The following CGB7 variants were observed in gnomAD, a reference collection of about 807,000 sequenced individuals.
The protein encoded by CGB7 is choriogonadotropin subunit beta 7.
In CGB7, 6 loss-of-function variants were observed where a neutral mutation model predicts 7.3. The ratio of observed to expected loss-of-function variants is 0.82; its 90% CI spans 0.45 to 1.62. The LOEUF (loss-of-function observed/expected upper bound fraction) is 1.62. CGB7 is among the 40% of genes most tolerant of loss of function. The pLI is 0.01. For synonymous variants in CGB7, 47 were observed against 100.8 expected (o/e 0.47, Z 3.20); for missense variants, 114 against 236.2 (o/e 0.48, Z 3.39).
Position 49,056,198 on chromosome 19 carries a change from A to T in CGB7, c.-823T>A, listed in dbSNP as rs965602006. The T allele has an allele frequency of 7.9e-7, 1 of 1,271,518 alleles. No individual in the cohort carries two copies. The highest frequency in any genetic ancestry group is 1.5e-5 in the African/African-American group (1 of 64,934). 78.8% of individuals were successfully genotyped at this position (1,271,518 alleles called of 1,614,324 possible). A position where few individuals can be genotyped will look rare whatever the true frequency, so the allele number is the denominator to read the frequency against. On this transcript the variant is annotated 5_prime_UTR_variant, in exon 3 of 5. Coordinates refer to ENST00000684222, the MANE Select transcript of CGB7 (RefSeq NM_001385261.1). The stretch of plus-strand genomic sequence containing the variant: ...CACCTAGGTCCGACACCGCGTAGTG[A>T]GCGGCTGCCCAGAGCTCTGCTCCGC...
chr19:49,056,140 C>G lies in CGB7; in HGVS notation c.-765G>C, dbSNP rs2040058682. ...GGGCGTGTCTGGGCTAGTCCTGTCC[C>G]CACACTGCGGATAGACTTAATGAGT... On this transcript the variant is annotated 5_prime_UTR_variant, in exon 3 of 5. Coordinates refer to ENST00000684222, the MANE Select transcript of CGB7 (RefSeq NM_001385261.1). 2 of 1,213,314 alleles carry G rather than the reference C, an allele frequency of 1.6e-6. No individual in the cohort carries two copies. Among genetic ancestry groups the G allele is most frequent in the Admixed American group, 3.1e-5 (1 of 32,510 alleles). 75.2% of individuals were successfully genotyped at this position (1,213,314 alleles called of 1,614,324 possible).
chr19:49,057,068 C>G, intron 2 of CGB7, 53 bp downstream of exon 2: 4 of 1,516,192 alleles, frequency 2.6e-6, no homozygotes, highest in Non-Finnish European at 3.5e-6. Flanking sequence ...CGGCGTGCAC[C>G]GGCCATGGCG....
rs747748234 is a variant in CGB7, at chr19:49,054,364, T to C, written c.425A>G (p.Lys142Arg). The change falls in exon 5 of 5, where the codon AAG becomes AGG. Residue 142 changes from lysine to arginine, a missense_variant. This residue lies in a region of CGB7 where 36 missense variants were observed against 126.1 expected (regional missense o/e 0.29). Coordinates refer to ENST00000684222, the MANE Select transcript of CGB7 (RefSeq NM_001385261.1). ...ACTTGGAAGGCTGGGGGGAGGGGCC[T>C]TTGAGGAAGAGGAGGCCTGGAAGCG... ...DPRFQASSSS[K>R]APPPSLPSPS... 1.9e-5 allele frequency: 30 copies of C among 1,609,772 alleles called. No homozygotes were observed. Among genetic ancestry groups the C allele is most frequent in the Non-Finnish European group, 2.5e-5 (29 of 1,179,080 alleles).
Position 49,057,556 on chromosome 19 carries a change from C to A in CGB7, c.-1443G>T. The A allele has an allele frequency of 8.3e-7, 1 of 1,201,934 alleles. No homozygotes were observed. The highest frequency in any genetic ancestry group is 1.0e-6 in the Non-Finnish European group (1 of 960,336). The allele number at this position is 1,201,934 out of a possible 1,614,324, so 74.5% of individuals were successfully genotyped here. ...CCTGGTTCTGCCCCCGGTCTCAAGC[C>A]TTCTTGGTGTGGCCACTGGAGCTGA... On this transcript the variant is annotated 5_prime_UTR_variant, in exon 1 of 5. The change creates a new upstream start codon in the 5' untranslated region. Transcript: ENST00000684222.
rs1412725035 is a variant in CGB7, at chr19:49,055,842, G to C, written c.-467C>G. 9.2e-7 allele frequency: 1 copy of C among 1,086,398 alleles called. No individual in the cohort carries two copies. The highest frequency in any genetic ancestry group is 1.7e-5 in the African/African-American group (1 of 60,314). The allele number at this position is 1,086,398 out of a possible 1,614,324, so 67.3% of individuals were successfully genotyped here. On this transcript the variant is annotated 5_prime_UTR_variant, in exon 3 of 5. Transcript: ENST00000684222. The stretch of plus-strand genomic sequence containing the variant: ...CTTAGCTTCTGCCCAGTGAGAGAGG[G>C]TCTCCCCGTGACTGTGCTGCCAGGG...
chr19:49,057,384 A>G (rs2040079423), intron 1 of CGB7, 78 bp downstream of exon 1: 3 of 1,420,180 alleles, frequency 2.1e-6, no homozygotes, highest in Admixed American at 2.7e-5. Flanking sequence ...ACCCCGCCCC[A>G]GGGTCAGAGC....
Position 49,054,363 on chromosome 19 carries a change from CT to C in CGB7, c.425del (p.Lys142ArgfsTer?), listed in dbSNP as rs2040027648. The C allele has an allele frequency of 1.2e-6, 2 of 1,610,166 alleles. No individual in the cohort carries two copies. Among genetic ancestry groups the C allele is most frequent in the African/African-American group, 2.7e-5 (2 of 74,588 alleles). ...GACTTGGAAGGCTGGGGGGAGGGGC[CT>C]TTGAGGAAGAGGAGGCCTGGAAGCG... ...DPRFQASSSS[K>X]APPPSLPSPS... On this transcript the variant is annotated frameshift_variant, in exon 5 of 5. Coordinates refer to ENST00000684222, the MANE Select transcript of CGB7 (RefSeq NM_001385261.1). LOFTEE classifies it low-confidence loss of function (END_TRUNC).
chr19:49,056,514 G>T lies in CGB7; in HGVS notation c.-1139C>A, dbSNP rs1483083719. The T allele has an allele frequency of 1.5e-6, 2 of 1,302,844 alleles. No homozygotes were observed. The highest frequency in any genetic ancestry group is 3.0e-5 in the African/African-American group (2 of 66,224). 80.7% of individuals were successfully genotyped at this position (1,302,844 alleles called of 1,614,324 possible). A position where few individuals can be genotyped will look rare whatever the true frequency, so the allele number is the denominator to read the frequency against. ...AGCAGAGACAGGGCTGCCGCTGCGG[G>T]TCGTGACTCCAGAGTTGGGGCGTCT... On this transcript the variant is annotated 5_prime_UTR_variant, in exon 3 of 5. Transcript: ENST00000684222.
In CGB7 at chr19:49,055,836, G is replaced by C; in HGVS notation, c.-461C>G. On this transcript the variant is annotated 5_prime_UTR_variant, in exon 3 of 5. Coordinates refer to ENST00000684222, the MANE Select transcript of CGB7 (RefSeq NM_001385261.1). ...TTCGGACTTAGCTTCTGCCCAGTGA[G>C]AGAGGGTCTCCCCGTGACTGTGCTG... The C allele has an allele frequency of 9.2e-7, 1 of 1,089,192 alleles. No individual in the cohort carries two copies. Among genetic ancestry groups the C allele is most frequent in the Non-Finnish European group, 1.1e-6 (1 of 889,762 alleles). 67.5% of individuals were successfully genotyped at this position (1,089,192 alleles called of 1,614,324 possible).
rs774968410 is a variant in CGB7 at position 49,054,307 on chromosome 19, G to A, written c.482C>T (p.Pro161Leu). Residue 161 changes from proline (P) to leucine (L), a missense_variant, in exon 5 of 5, where the codon CCG becomes CTG. This residue lies in a region of CGB7 where 20 missense variants were observed against 18.4 expected (regional missense o/e 1.08). Coordinates refer to ENST00000684222, the MANE Select transcript of CGB7 (RefSeq NM_001385261.1). ...PSRLPGPSDT[P>L]ILPQ ...GAGAAGCCTTTATTGTGGGAGGATC[G>A]GGGTGTCTGAGGGCCCCGGGAGTCG... 3.7e-6 allele frequency: 6 copies of A among 1,600,616 alleles called. No individual in the cohort carries two copies. Among genetic ancestry groups the A allele is most frequent in the Admixed American group, 1.7e-5 (1 of 59,344 alleles).
At chr19:49,055,256 C>T in intron 3 of CGB7, 105 bp downstream of exon 3, 1 of 1,605,890 alleles carries the variant, frequency 6.2e-7, no homozygotes, top group Non-Finnish European at 8.5e-7. Flanking sequence ...GGTCACGCTC[C>T]TCCAGAAAGA....
rs1207419718 is a variant in CGB7, at chr19:49,055,121, C to T, written c.16-113G>A. Reference sequence around the variant, plus strand: ...GACCCAGAGACCCTTCCCGGCATCTCCTATTCAGGACCCACCACCCGGACA... The same window carrying T: ...GACCCAGAGACCCTTCCCGGCATCTTCTATTCAGGACCCACCACCCGGACA... On this transcript the variant is annotated intron_variant, in intron 3 of 4. Transcript: ENST00000684222. 5.1e-6 allele frequency: 8 copies of T among 1,581,316 alleles called. No homozygotes were observed. The East Asian group carries it at 1.1e-4, about 22-fold the overall frequency.
At chr19:49,054,785 C>G in intron 4 of CGB7, 56 bp downstream of exon 4, 1 of 1,497,278 alleles carries the variant, frequency 6.7e-7, no homozygotes, top group Non-Finnish European at 9.0e-7. Context: ...TCCCCCGCTG[C>G]CTCTGTGGGT....
intron 2 of CGB7, 61 bp downstream of exon 2, chr19:49,057,060 G>A (rs1026871303): frequency 3.0e-5 from 45 of 1,504,760 alleles, no homozygotes; most frequent in Non-Finnish European, 3.8e-5. Flanking sequence ...CAGGGGCTCG[G>A]CGTGCACCGG....
At position 49,056,259 on chromosome 19, in the gene CGB7, C is replaced by A. The variant is rs1179284246; in HGVS notation, c.-884G>T. 5 of 1,290,158 alleles carry A rather than the reference C, an allele frequency of 3.9e-6. No individual in the cohort carries two copies. Among genetic ancestry groups the A allele is most frequent in the Non-Finnish European group, 5.1e-6 (5 of 989,266 alleles). 79.9% of individuals were successfully genotyped at this position (1,290,158 alleles called of 1,614,324 possible). A position where few individuals can be genotyped will look rare whatever the true frequency, so the allele number is the denominator to read the frequency against. On this transcript the variant is annotated 5_prime_UTR_variant, in exon 3 of 5. Coordinates refer to ENST00000684222, the MANE Select transcript of CGB7 (RefSeq NM_001385261.1). ...GGGGGCGTGTCTGGGGTGGGGCTGG[C>A]CCGGCAGGCTCCCACTAGCCCCGGC...
intron 2 of CGB7, among the ~76,000 whole-genome samples, 174 bp downstream of exon 2, chr19:49,056,947 G>T (rs952204405): frequency 5.9e-5 from 9 of 152,166 alleles, no homozygotes; most frequent in African/African-American, 2.2e-4. Context: ...TGACACTAAG[G>T]ACTCCTGGGT....
rs1321238422 is a variant in CGB7, at chr19:49,055,190, GC to G, written c.15+170del. Reference sequence around the variant, plus strand: ...CCCCACAGCCCGAGGGACCTGAGATGCCCCAACATTTCAGATCCCCACCCTC... The same window carrying G: ...CCCCACAGCCCGAGGGACCTGAGATGCCCAACATTTCAGATCCCCACCCTC... On this transcript the variant is annotated intron_variant, in intron 3 of 4. Transcript: ENST00000684222. 9 of 983,040 alleles carry G rather than the reference GC, an allele frequency of 9.2e-6. No homozygotes were observed. The South Asian group carries it at 3.3e-4, about 36-fold the overall frequency. 60.9% of individuals were successfully genotyped at this position (983,040 alleles called of 1,614,324 possible).
chr19:49,057,531 C>A lies in CGB7; in HGVS notation c.-1418G>T. ...AGGCCCCCAGCCACCACAAAATCCC[C>A]CTGGTTCTGCCCCCGGTCTCAAGCC... On this transcript the variant is annotated 5_prime_UTR_variant, in exon 1 of 5. Transcript: ENST00000684222. 1 of 1,207,834 alleles carries A rather than the reference C, an allele frequency of 8.3e-7. No homozygotes were observed. Among genetic ancestry groups the A allele is most frequent in the Non-Finnish European group, 1.0e-6 (1 of 963,532 alleles). The allele number at this position is 1,207,834 out of a possible 1,614,324, so 74.8% of individuals were successfully genotyped here.
intron 3 of CGB7, 152 bp from the exon 4 acceptor site, chr19:49,055,160 G>T: frequency 6.4e-6 from 10 of 1,557,732 alleles, no homozygotes; most frequent in Non-Finnish European, 8.7e-6. Flanking sequence ...GCCTTTCAGA[G>T]CCCACCCCAC....
Sources: allele counts gnomAD v4.1 joint callset (sites outside exome capture counted in the v4.1 genomes callset), GRCh38; gene constraint gnomAD v4.1.1; regional missense constraint gnomAD v4.1.1; transcripts MANE v1.5; gene names NCBI Gene and HGNC (gene_info 2026-07-23, HGNC 2026-07-21).